ANKRD30A: variants seen among roughly 807,000 people sequenced by gnomAD.
ANKRD30A encodes ankyrin repeat domain-containing protein 30A.
ANKRD30A carries 170 observed loss-of-function variants against 166.3 expected under a neutral mutation model. The ratio of observed to expected loss-of-function variants is 1.02; its 90% CI spans 0.90 to 1.16. The LOEUF is 1.16. Among genes scored for constraint, ANKRD30A ranks in the 50% most tolerant of loss-of-function variants. The probability of loss-of-function intolerance (pLI) is 0.00; values close to 1 mark genes in which losing one functional copy is unlikely to be tolerated. For synonymous variants in ANKRD30A, 564 were observed against 508.9 expected (o/e 1.11, Z -1.46); for missense variants, 1,630 against 1,518.0 (o/e 1.07, Z -1.23).
Position 37,134,007 on chromosome 10 carries a change from T to G in ANKRD30A, c.709T>G (p.Cys237Gly), listed in dbSNP as rs1194233150. Reference sequence around the variant, plus strand: ...TGTTGACGTCTTTGCTGCAGATATATGTGGAGTAACTGCAGAACATTATGC... The same window carrying G: ...TGTTGACGTCTTTGCTGCAGATATAGGTGGAGTAACTGCAGAACATTATGC... The part of the protein sequence containing the change: ...QNVDVFAADI[C>G]GVTAEHYAVT... The change falls in exon 5 of 36, where the codon TGT becomes GGT. Residue 237 changes from cysteine (C) to glycine (G), a missense_variant. Cys to Gly is a radical substitution (Grantham distance 159, BLOSUM62 -3). Around this residue, in one of 4 missense-constraint regions of ANKRD30A, gnomAD observed 904 missense variants for 818.5 expected, o/e 1.10. Coordinates refer to ENST00000361713, the MANE Select transcript of ANKRD30A (RefSeq NM_052997.3). 2 of 1,613,950 alleles carry G rather than the reference T, an allele frequency of 1.2e-6. No homozygotes were observed. Among genetic ancestry groups the G allele is most frequent in the African/African-American group, 2.7e-5 (2 of 74,930 alleles).
Position 37,158,496 on chromosome 10 carries a change from G to C in ANKRD30A, c.1828-18G>C, listed in dbSNP as rs376011362. The C allele has an allele frequency of 3.3e-4, 538 of 1,613,200 alleles. 4 individuals carry two copies. The highest frequency in any genetic ancestry group is 1.6e-3 in the African/African-American group (122 of 74,956). ...GTATACATTGTATATTAATTGTTTTGTTTCCAAACCCATTTAGGCTACCTG... is the reference window on the plus strand; with the variant it reads ...GTATACATTGTATATTAATTGTTTTCTTTCCAAACCCATTTAGGCTACCTG... On this transcript the variant is annotated intron_variant, in intron 14 of 35. Transcript: ENST00000361713.
chr10:37,201,306 A>T lies in ANKRD30A; in HGVS notation c.2850A>T (p.Lys950Asn). The part of the protein sequence containing the change: ...PKATHQKEMD[K>N]ISGKLEDSTS... ...CTACACATCAAAAAGAAATGGATAA[A>T]ATAAGTGGAAAATTAGAAGGTAAGA... Residue 950 changes from lysine to asparagine, a missense_variant, in exon 31 of 36, where the codon AAA becomes AAT. Transcript: ENST00000361713. The T allele has an allele frequency of 6.3e-7, 1 of 1,586,150 alleles. No homozygotes were observed. The highest frequency in any genetic ancestry group is 8.6e-7 in the Non-Finnish European group (1 of 1,168,760).
At chr10:37,231,765 GACTC>G (rs1158742335) in intron 35 of ANKRD30A, 85 bp downstream of exon 35, 5 of 223,340 alleles carry the variant, frequency 2.2e-5, no homozygotes, top group African/African-American at 1.1e-4. Flanking sequence ...TGAGTTAATT[GACTC>G]ACGTGTGTTA....
intron 9 of ANKRD30A, among the ~76,000 whole-genome samples, chr10:37,148,085 TA>T: frequency 6.7e-6 from 1 of 150,040 alleles, no homozygotes; most frequent in African/African-American, 2.4e-5. Context: ...TATGAAACAT[TA>T]GAAAATCAGC....
chr10:37,226,245 A>T (rs1334645930), intron 34 of ANKRD30A, among the ~76,000 whole-genome samples: 2 of 134,320 alleles, frequency 1.5e-5, no homozygotes, highest in African/African-American at 5.4e-5. Context: ...TCCTAATGCT[A>T]TCCCTCCCCC....
At chr10:37,198,008 A>C (rs1841292757) in intron 29 of ANKRD30A, among the ~76,000 whole-genome samples, 1 of 151,784 alleles carries the variant, frequency 6.6e-6, no homozygotes, top group African/African-American at 2.4e-5. Context: ...GTGTGTGGTA[A>C]CTTTACCTTG....
At chr10:37,142,402 C>A in intron 7 of ANKRD30A, 112 bp downstream of exon 7, 1 of 983,630 alleles carries the variant, frequency 1.0e-6, no homozygotes. Flanking sequence ...ATAAGGCGAG[C>A]TTAGGCAACA....
chr10:37,245,541 T>C, the ANKRD30A span, among the ~76,000 whole-genome samples: 3 of 152,110 alleles, frequency 2.0e-5, no homozygotes, highest in East Asian at 5.8e-4. Flanking sequence ...TAGTGGGTTT[T>C]TGTTTTCATA....
At chr10:37,135,192 C>T (rs1330170650) in intron 5 of ANKRD30A, 2 of 152,190 alleles carry the variant, frequency 1.3e-5, no homozygotes, top group Non-Finnish European at 2.9e-5. Flanking sequence ...CAGAGCTAAG[C>T]CTCATCCATC....
chr10:37,205,001 G>T (rs1211140452), intron 31 of ANKRD30A, among the ~76,000 whole-genome samples: 3 of 152,124 alleles, frequency 2.0e-5, no homozygotes, highest in Non-Finnish European at 4.4e-5. Flanking sequence ...ACTGTTGGTG[G>T]GAGTGTAAAC....
rs1842996155 is a variant in ANKRD30A, at chr10:37,223,700, G to A, written c.4185+3803G>A. 2.0e-5 allele frequency among the ~76,000 whole-genome samples: 3 copies of A among 151,204 alleles called. No individual in the cohort carries two copies. The Admixed American group carries it at 2.0e-4, about 10-fold the overall frequency. On this transcript the variant is annotated intron_variant, in intron 34 of 35. Coordinates refer to ENST00000361713, the MANE Select transcript of ANKRD30A (RefSeq NM_052997.3). ...CAATCTGTCATTATTGGAATAAAGT[G>A]TATAAACTGCATGTTATAAAACGGC...
At chr10:37,196,472 G>A (rs1229164343) in intron 27 of ANKRD30A, among the ~76,000 whole-genome samples, 2 of 152,050 alleles carry the variant, frequency 1.3e-5, no homozygotes, top group African/African-American at 2.4e-5. Flanking sequence ...ATTTATTATA[G>A]ACTAATGATA....
the ANKRD30A span, among the ~76,000 whole-genome samples, chr10:37,238,222 T>C: frequency 6.6e-6 from 1 of 152,162 alleles, no homozygotes; most frequent in East Asian, 1.9e-4. Flanking sequence ...AGCAGTTCTT[T>C]GTGGGGTAAA....
At chr10:37,161,811 A>T (rs1163320469) in intron 15 of ANKRD30A, among the ~76,000 whole-genome samples, 1 of 152,194 alleles carries the variant, frequency 6.6e-6, no homozygotes, top group South Asian at 2.1e-4. Context: ...TTTTGGTAAA[A>T]TTGCCATTCC....
chr10:37,160,346 T>G (rs1448600349), intron 15 of ANKRD30A, among the ~76,000 whole-genome samples: 1 of 152,192 alleles, frequency 6.6e-6, no homozygotes, highest in Non-Finnish European at 1.5e-5. Flanking sequence ...ACCATGAAAA[T>G]TATGACATTG....
chr10:37,229,762 C>G (rs926439994), intron 34 of ANKRD30A, among the ~76,000 whole-genome samples: 7 of 151,668 alleles, frequency 4.6e-5, no homozygotes, highest in African/African-American at 1.7e-4. Context: ...AAAATGTACC[C>G]TTTTGATTTG....
In ANKRD30A at chr10:37,216,392, G is replaced by C. The variant is rs763033917; in HGVS notation, c.3081G>C (p.Val1027=). 2 of 1,587,860 alleles carry C rather than the reference G, an allele frequency of 1.3e-6. No homozygotes were observed. The highest frequency in any genetic ancestry group is 1.7e-6 in the Non-Finnish European group (2 of 1,169,642). Reference sequence around the variant, plus strand: ...AATGGGAACAAGAGCTCTGCAGTGTGAGGTGTGATTTCCTAGTTTTAAATA... The same window carrying C: ...AATGGGAACAAGAGCTCTGCAGTGTCAGGTGTGATTTCCTAGTTTTAAATA... ...KVKWEQELCS[V]RLTLNQEEEK... The change falls in exon 32 of 36, where the codon GTG becomes GTC. Residue 1027 remains valine, a splice_region_variant and synonymous_variant. Transcript: ENST00000361713.
chr10:37,245,896 A>G, the ANKRD30A span, among the ~76,000 whole-genome samples: 8 of 152,164 alleles, frequency 5.3e-5, no homozygotes, highest in Admixed American at 3.3e-4. Context: ...TACAGTTCCT[A>G]GAGGCTGGTC....
chr10:37,152,262 G>A (rs1040618839), intron 12 of ANKRD30A, 141 bp downstream of exon 12: 11 of 707,384 alleles, frequency 1.6e-5, no homozygotes, highest in Admixed American at 3.1e-5. Context: ...TATGCTTAAT[G>A]GAGAATCTAT....
Sources: gnomAD v4.1 joint callset for allele counts (sites outside exome capture counted in the v4.1 genomes callset) on GRCh38, gnomAD v4.1.1 for gene constraint, gnomAD v4.1.1 regional missense constraint, MANE v1.5 for transcripts, NCBI Gene and HGNC (gene_info 2026-07-23, HGNC 2026-07-21) for gene names.